The following TMEM94 variants were observed in gnomAD, a reference collection of about 807,000 sequenced individuals.
TMEM94 encodes ER Mg2+ ATPase.
A neutral mutation model predicts 158.6 loss-of-function variants in TMEM94; 81 were observed. The observed-to-expected ratio is 0.51, with a 90% CI of 0.43 to 0.61. The LOEUF (loss-of-function observed/expected upper bound fraction) is 0.61, where lower values mean the gene tolerates loss of function less well. Among genes scored for constraint, TMEM94 ranks in the 20% least tolerant of loss-of-function variants. The pLI, the probability that TMEM94 is intolerant of heterozygous loss-of-function variation, is 0.00. For synonymous variants in TMEM94, 751 were observed against 730.7 expected (o/e 1.03, Z -0.45); for missense variants, 1,435 against 1,762.0 (o/e 0.81, Z 3.32).
rs2146736135 is a variant in TMEM94 at position 75,492,023 on chromosome 17, TC to T, written c.1596+125del. On this transcript the variant is annotated intron_variant, in intron 14 of 31. Coordinates refer to ENST00000314256, the MANE Select transcript of TMEM94 (RefSeq NM_014738.6). The surrounding 1 kb of genome is among the most constrained non-coding windows in gnomAD (Gnocchi z 4.4). ...CGTCTCTGCCCTCTGTCCCAGCACC[TC>T]CAGGCTAGGCCAGTGGTCCCTGAGG... 9.5e-7 allele frequency: 1 copy of T among 1,050,066 alleles called. No individual in the cohort carries two copies. Among genetic ancestry groups the T allele is most frequent in the African/African-American group, 1.6e-5 (1 of 62,766 alleles). 65.0% of individuals were successfully genotyped at this position (1,050,066 alleles called of 1,614,324 possible).
intron 1 of TMEM94, among the ~76,000 whole-genome samples, chr17:75,463,977 C>A (rs758368555): frequency 1.3e-5 from 2 of 152,170 alleles, no homozygotes; most frequent in Non-Finnish European, 2.9e-5. Flanking sequence ...TCCACCTAAC[C>A]GCATTTTTGG....
chr17:75,490,802 G>A, intron 11 of TMEM94, 44 bp downstream of exon 11: 5 of 1,568,838 alleles, frequency 3.2e-6, no homozygotes, highest in Non-Finnish European at 4.4e-6. Context: ...GGTCCCTAGA[G>A]CCATAACCCT....
intron 1 of TMEM94, among the ~76,000 whole-genome samples, chr17:75,461,352 G>A (rs948195800): frequency 1.3e-5 from 2 of 151,652 alleles, no homozygotes; most frequent in Non-Finnish European, 2.9e-5. Flanking sequence ...CGCCTGCTTC[G>A]GCCTCCCAAA....
chr17:75,478,400 T>C (rs1006681339), intron 2 of TMEM94, among the ~76,000 whole-genome samples: 11 of 150,668 alleles, frequency 7.3e-5, no homozygotes, highest in Admixed American at 5.3e-4. Flanking sequence ...GGCCTGGGGC[T>C]TGAGGGTTTC....
Position 75,495,613 on chromosome 17 carries a change from G to GTGCCCCTGCTAT in TMEM94, c.2921_2922insGCTATTGCCCCT (p.Leu974_Phe975insLeuLeuProLeu). 6.2e-7 allele frequency: 1 copy of GTGCCCCTGCTAT among 1,613,580 alleles called. No individual in the cohort carries two copies. Among genetic ancestry groups the GTGCCCCTGCTAT allele is most frequent in the South Asian group, 1.1e-5 (1 of 91,092 alleles). On this transcript the variant is annotated inframe_insertion, in exon 22 of 32. Coordinates refer to ENST00000314256, the MANE Select transcript of TMEM94 (RefSeq NM_014738.6). This position sits in a 1 kb window ranked among gnomAD's most constrained non-coding sequence, Gnocchi z 5.6. ...GAACATTGACAACGTGCCCCTGCTA[G>GTGCCCCTGCTAT]TGCCCCTTTTCACCGACTGCACCCC...
Position 75,492,163 on chromosome 17 carries a change from C to T in TMEM94, c.1596+263C>T. ...TTCCAAATATACACAGCCCGGAGCT[C>T]CCTCTTAGAGATGTTCCCTGGCCAC... On this transcript the variant is annotated intron_variant, in intron 14 of 31. Transcript: ENST00000314256. This position sits in a 1 kb window ranked among gnomAD's most constrained non-coding sequence, Gnocchi z 4.4. 9.6e-7 allele frequency: 1 copy of T among 1,046,334 alleles called. No homozygotes were observed. Among genetic ancestry groups the T allele is most frequent in the South Asian group, 1.7e-5 (1 of 58,664 alleles). The allele number at this position is 1,046,334 out of a possible 1,614,324, so 64.8% of individuals were successfully genotyped here.
chr17:75,471,251 AAAAG>A (rs547383968), intron 1 of TMEM94, among the ~76,000 whole-genome samples: 47 of 141,452 alleles, frequency 3.3e-4, no homozygotes, highest in South Asian at 6.4e-4. Context: ...AAAAAAAAAA[AAAAG>A]AAAGAAAGAA....
At chr17:75,464,199 G>A (rs1010394768) in intron 1 of TMEM94, among the ~76,000 whole-genome samples, 3 of 152,050 alleles carry the variant, frequency 2.0e-5, no homozygotes, top group Non-Finnish European at 4.4e-5. Context: ...ACTTGGCATG[G>A]CAAACCAAGA....
rs11077792 is a variant in TMEM94 at position 75,495,813 on chromosome 17, G to A, written c.2945-153G>A. 690,049 of 799,756 alleles carry A rather than the reference G, an allele frequency of 0.86. 302,368 individuals are homozygous for A. Among genetic ancestry groups the A allele is most frequent in the Middle Eastern group, 0.91 (2,884 of 3,180 alleles). The allele number at this position is 799,756 out of a possible 1,614,324, so 49.5% of individuals were successfully genotyped here. On this transcript the variant is annotated intron_variant, in intron 22 of 31. Coordinates refer to ENST00000314256, the MANE Select transcript of TMEM94 (RefSeq NM_014738.6). This position sits in a 1 kb window ranked among gnomAD's most constrained non-coding sequence, Gnocchi z 5.6. ...CTTGTGGGTTGGAGTCAGAAGTGCC[G>A]ATGTTCACATGATCCCGCTGCCGGG...
chr17:75,478,003 CTTTTTTTT>C (rs909668190), intron 2 of TMEM94, among the ~76,000 whole-genome samples: 18 of 57,918 alleles, frequency 3.1e-4, no homozygotes, highest in African/African-American at 1.8e-3. Context: ...GAGACTCCAT[CTTTTTTTT>C]TTTTTTTTTT....
At chr17:75,463,372 T>C (rs1027234690) in intron 1 of TMEM94, among the ~76,000 whole-genome samples, 2 of 151,586 alleles carry the variant, frequency 1.3e-5, no homozygotes, top group Non-Finnish European at 2.9e-5. Flanking sequence ...GGGTACTGGC[T>C]AAGCATCTTC....
At chr17:75,480,767 G>C (rs1488461972) in intron 2 of TMEM94, among the ~76,000 whole-genome samples, 1 of 152,312 alleles carries the variant, frequency 6.6e-6, no homozygotes, top group South Asian at 2.1e-4. Flanking sequence ...ACAGTTGCCT[G>C]GTCCTTCCTC....
At chr17:75,457,194 G>C (rs2049920482) in intron 1 of TMEM94, 1 of 152,426 alleles carries the variant, frequency 6.6e-6, no homozygotes, top group African/African-American at 2.4e-5. Flanking sequence ...GGGTCCTCGC[G>C]CGGCCGTCCC....
At chr17:75,490,202 A>G (rs1312689963) in intron 9 of TMEM94, 32 bp from the exon 10 acceptor site, 2 of 1,612,830 alleles carry the variant, frequency 1.2e-6, no homozygotes, top group Admixed American at 1.7e-5. Context: ...CCCGGAGCTC[A>G]GGAGCCATCT....
chr17:75,468,838 C>G (rs189838063), intron 1 of TMEM94, among the ~76,000 whole-genome samples: 137 of 152,230 alleles, frequency 9.0e-4, no homozygotes, highest in African/African-American at 3.2e-3. Flanking sequence ...TGGGTTTCTG[C>G]CTGGCACCCC....
At chr17:75,497,315 A>G (rs2052796161) in intron 26 of TMEM94, 117 bp downstream of exon 26, 1 of 669,026 alleles carries the variant, frequency 1.5e-6, no homozygotes, top group Admixed American at 2.3e-5. Context: ...CTCCTCTGGT[A>G]CAGGAGGCAT....
chr17:75,497,223 C>T (rs761353357), intron 26 of TMEM94, 25 bp downstream of exon 26: 26 of 1,584,862 alleles, frequency 1.6e-5, no homozygotes, highest in Admixed American at 6.7e-5. Flanking sequence ...ATCTTCCCCA[C>T]ACCCCATGCC....
chr17:75,489,664 C>T lies in TMEM94; in HGVS notation c.954+2C>T. On this transcript the variant is annotated splice_donor_variant, in intron 9 of 31. Transcript: ENST00000314256. LOFTEE classifies it low-confidence loss of function (GC_TO_GT_DONOR). The surrounding 1 kb of genome is among the most constrained non-coding windows in gnomAD (Gnocchi z 5.0). ...CAGTACACCCTCCTCCAGCTCCAGGCAAGGACCACCCTGTCCTCTCTGTCA... is the reference window on the plus strand; with the variant it reads ...CAGTACACCCTCCTCCAGCTCCAGGTAAGGACCACCCTGTCCTCTCTGTCA... The T allele has an allele frequency of 6.2e-7, 1 of 1,610,986 alleles. No homozygotes were observed. The highest frequency in any genetic ancestry group is 1.1e-5 in the South Asian group (1 of 91,022).
intron 2 of TMEM94, among the ~76,000 whole-genome samples, chr17:75,480,928 T>C (rs2051109564): frequency 6.6e-6 from 1 of 152,140 alleles, no homozygotes. Flanking sequence ...CTCACATTCC[T>C]CTCTGTGGCG....
Sources: gnomAD v4.1 joint callset for allele counts (sites outside exome capture counted in the v4.1 genomes callset) on GRCh38, gnomAD v4.1.1 for gene constraint, Gnocchi (gnomAD v3.1) non-coding constraint, MANE v1.5 for transcripts, NCBI Gene and HGNC (gene_info 2026-07-23, HGNC 2026-07-21) for gene names.